The following KCTD11 variants were observed in gnomAD, a reference collection of about 807,000 sequenced individuals.
KCTD11 encodes the protein BTB/POZ domain-containing protein KCTD11.
In KCTD11, 8 loss-of-function variants were observed where a neutral mutation model predicts 10.7. The ratio of observed to expected loss-of-function variants is 0.74; its 90% CI spans 0.44 to 1.34. The LOEUF (loss-of-function observed/expected upper bound fraction) is 1.34, where lower values mean the gene tolerates loss of function less well. KCTD11 is among the 40% of genes most tolerant of loss of function. The pLI is 0.01. For missense variants in KCTD11, 346 were observed against 356.1 expected (o/e 0.97, Z 0.23); for synonymous variants, 153 against 160.8 (o/e 0.95, Z 0.37).
In KCTD11 at chr17:7,354,592, C is replaced by CA. The variant is rs1157382789; in HGVS notation, c.*952dup. ...GCATGTATATGCATCACCACGTAGC[C>CA]AGGAGGGGCCTGTTGGGGTTTGAGT... is the stretch of plus-strand genomic sequence containing the variant. On this transcript the variant is annotated 3_prime_UTR_variant, in exon 1 of 1. Coordinates refer to ENST00000333751, the MANE Select transcript of KCTD11 (RefSeq NM_001363642.1). 1 of 167,468 alleles carries CA rather than the reference C, an allele frequency of 6.0e-6. No homozygotes were observed. Among genetic ancestry groups the CA allele is most frequent in the Non-Finnish European group, 1.5e-5 (1 of 68,674 alleles). The allele number at this position is 167,468 out of a possible 1,614,324, so 10.4% of individuals were successfully genotyped here.
Position 7,352,747 on chromosome 17 carries a change from G to A in KCTD11, c.-79G>A. ...CCTGTGCCTCCAACCCAGCGAATCT[G>A]ACAGCTTCGACCCAATTCTGCACAC... On this transcript the variant is annotated 5_prime_UTR_variant, in exon 1 of 1. Transcript: ENST00000333751. This position sits in a 1 kb window ranked among gnomAD's most constrained non-coding sequence, Gnocchi z 4.5. The A allele has an allele frequency of 1.8e-6, 1 of 553,254 alleles. No homozygotes were observed. Among genetic ancestry groups the A allele is most frequent in the Non-Finnish European group, 3.2e-6 (1 of 311,986 alleles). 34.3% of individuals were successfully genotyped at this position (553,254 alleles called of 1,614,324 possible).
Position 7,353,745 on chromosome 17 carries a change from C to T in KCTD11, c.*104C>T. The T allele has an allele frequency of 2.7e-6, 3 of 1,114,504 alleles. No individual in the cohort carries two copies. Among genetic ancestry groups the T allele is most frequent in the East Asian group, 2.6e-5 (1 of 38,766 alleles). 69.0% of individuals were successfully genotyped at this position (1,114,504 alleles called of 1,614,324 possible). A position where few individuals can be genotyped will look rare whatever the true frequency, so the allele number is the denominator to read the frequency against. On this transcript the variant is annotated 3_prime_UTR_variant, in exon 1 of 1. Transcript: ENST00000333751. The surrounding 1 kb of genome is among the most constrained non-coding windows in gnomAD (Gnocchi z 4.9). ...TTCAGGAGCTATGAGAGTCGGGACTCTCCTGCACCTGACTGGAGCTCAGAT... is the reference window on the plus strand; with the variant it reads ...TTCAGGAGCTATGAGAGTCGGGACTTTCCTGCACCTGACTGGAGCTCAGAT...
Position 7,353,740 on chromosome 17 carries a change from G to C in KCTD11, c.*99G>C. 1.7e-6 allele frequency: 2 copies of C among 1,161,680 alleles called. No individual in the cohort carries two copies. The highest frequency in any genetic ancestry group is 2.4e-6 in the Non-Finnish European group (2 of 835,596). 72.0% of individuals were successfully genotyped at this position (1,161,680 alleles called of 1,614,324 possible). A position where few individuals can be genotyped will look rare whatever the true frequency, so the allele number is the denominator to read the frequency against. On this transcript the variant is annotated 3_prime_UTR_variant, in exon 1 of 1. Transcript: ENST00000333751. This position sits in a 1 kb window ranked among gnomAD's most constrained non-coding sequence, Gnocchi z 4.9. The stretch of plus-strand genomic sequence containing the variant: ...TCTGCTTCAGGAGCTATGAGAGTCG[G>C]GACTCTCCTGCACCTGACTGGAGCT...
Position 7,353,513 on chromosome 17 carries a change from G to A in KCTD11, c.688G>A (p.Val230Met). 6.3e-7 allele frequency: 1 copy of A among 1,589,398 alleles called. No individual in the cohort carries two copies. The highest frequency in any genetic ancestry group is 8.6e-7 in the Non-Finnish European group (1 of 1,165,390). The change falls in exon 1 of 1, where the codon GTG (valine) becomes ATG (methionine). Residue 230 changes from valine (V) to methionine (M), a missense_variant. Transcript: ENST00000333751. This position sits in a 1 kb window ranked among gnomAD's most constrained non-coding sequence, Gnocchi z 4.9. ...GGGGCCAGGAGAGCGGCGGGAGGTG[G>A]TGGGCACCCCAAGCTTCCTGGAGGA...
chr17:7,353,243 G>C lies in KCTD11; in HGVS notation c.418G>C (p.Val140Leu). The change falls in exon 1 of 1, where the codon GTG (valine) becomes CTG (leucine). Residue 140 changes from valine to leucine, a missense_variant. Val to Leu is a conservative substitution (Grantham distance 32, BLOSUM62 1). Coordinates refer to ENST00000333751, the MANE Select transcript of KCTD11 (RefSeq NM_001363642.1). The surrounding 1 kb of genome is among the most constrained non-coding windows in gnomAD (Gnocchi z 4.9). ...AGATGTAGATGTCAGCCCCCGCCTGGTGCACTTCTCTGCTCGCCGGGGACC... is the reference window on the plus strand; with the variant it reads ...AGATGTAGATGTCAGCCCCCGCCTGCTGCACTTCTCTGCTCGCCGGGGACC... 6.2e-7 allele frequency: 1 copy of C among 1,613,742 alleles called. No individual in the cohort carries two copies. Among genetic ancestry groups the C allele is most frequent in the Non-Finnish European group, 8.5e-7 (1 of 1,180,040 alleles).
In KCTD11 at chr17:7,353,162, C is replaced by G; in HGVS notation, c.337C>G (p.Arg113Gly). The change falls in exon 1 of 1, where the codon CGG (arginine) becomes GGG (glycine). Residue 113 changes from arginine to glycine, a missense_variant. Arg to Gly is a moderately radical substitution (Grantham distance 125). Transcript: ENST00000333751. This position sits in a 1 kb window ranked among gnomAD's most constrained non-coding sequence, Gnocchi z 4.9. The stretch of plus-strand genomic sequence containing the variant: ...GATCCGGCCCCTCCTGGACGCGCTG[C>G]GGGAACTGGAGGCCTCTCAGGGGAC... 1 of 1,613,248 alleles carries G rather than the reference C, an allele frequency of 6.2e-7. No homozygotes were observed. The highest frequency in any genetic ancestry group is 1.1e-5 in the South Asian group (1 of 91,076).
In KCTD11 at chr17:7,352,885, T is replaced by C. The variant is rs2143019392; in HGVS notation, c.60T>C (p.Asn20=). The change falls in exon 1 of 1, where the codon AAT becomes AAC. Residue 20 remains asparagine (N), a synonymous_variant. Transcript: ENST00000333751. This position sits in a 1 kb window ranked among gnomAD's most constrained non-coding sequence, Gnocchi z 4.5. ...CCTTTGGGGGCCCCGTGACCCTGAA[T>C]GTGGGGGGCACACTATATTCCACCA... The C allele has an allele frequency of 6.9e-7, 1 of 1,451,488 alleles. No individual in the cohort carries two copies. Among genetic ancestry groups the C allele is most frequent in the African/African-American group, 1.4e-5 (1 of 70,846 alleles). 89.9% of individuals were successfully genotyped at this position (1,451,488 alleles called of 1,614,324 possible). A position where few individuals can be genotyped will look rare whatever the true frequency, so the allele number is the denominator to read the frequency against.
In KCTD11 at chr17:7,352,983, C is replaced by T. The variant is rs1315471375; in HGVS notation, c.158C>T (p.Pro53Leu). The T allele has an allele frequency of 6.2e-7, 1 of 1,606,408 alleles. No homozygotes were observed. The highest frequency in any genetic ancestry group is 8.5e-7 in the Non-Finnish European group (1 of 1,174,628). The stretch of plus-strand genomic sequence containing the variant: ...TTTAGGGCCGGCACCCCCATGCCCC[C>T]CAACCTCAATTCCCAAGGAGGCGGC... The change falls in exon 1 of 1, where the codon CCC becomes CTC. Residue 53 changes from proline (P) to leucine (L), a missense_variant. By Grantham distance (98) the Pro-to-Leu change is moderately conservative. Transcript: ENST00000333751. The surrounding 1 kb of genome is among the most constrained non-coding windows in gnomAD (Gnocchi z 4.5).
In KCTD11 at chr17:7,354,006, T is replaced by A; in HGVS notation, c.*365T>A. Reference sequence around the variant, plus strand: ...AAAACCCTGGAAGGATATTGAGGTCTGGGGAAAAGGGAGGACTTTGCATTT... The same window carrying A: ...AAAACCCTGGAAGGATATTGAGGTCAGGGGAAAAGGGAGGACTTTGCATTT... On this transcript the variant is annotated 3_prime_UTR_variant, in exon 1 of 1. Transcript: ENST00000333751. 4.6e-6 allele frequency: 1 copy of A among 217,668 alleles called. No homozygotes were observed. Among genetic ancestry groups the A allele is most frequent in the Admixed American group, 5.4e-5 (1 of 18,460 alleles). 13.5% of individuals were successfully genotyped at this position (217,668 alleles called of 1,614,324 possible).
rs776465557 is a variant in KCTD11 at position 7,353,596 on chromosome 17, C to G, written c.771C>G (p.Pro257=). 1 of 1,528,980 alleles carries G rather than the reference C, an allele frequency of 6.5e-7. No homozygotes were observed. Among genetic ancestry groups the G allele is most frequent in the Non-Finnish European group, 8.8e-7 (1 of 1,138,786 alleles). 94.7% of individuals were successfully genotyped at this position (1,528,980 alleles called of 1,614,324 possible). The change falls in exon 1 of 1, where the codon CCC becomes CCG. Residue 257 remains proline, a synonymous_variant. Transcript: ENST00000333751. This position sits in a 1 kb window ranked among gnomAD's most constrained non-coding sequence, Gnocchi z 4.9. ...GACTAGACTCTGTCTTCCCCGACCC[C>G]GAAGACCTGCTCAACTCCAGGTCTC... is the stretch of plus-strand genomic sequence containing the variant.
In KCTD11 at chr17:7,353,696, C is replaced by CCATT; in HGVS notation, c.*56_*57insATTC. The CCATT allele has an allele frequency of 2.1e-6, 3 of 1,457,540 alleles. No individual in the cohort carries two copies. Among genetic ancestry groups the CCATT allele is most frequent in the African/African-American group, 1.4e-5 (1 of 70,482 alleles). 90.3% of individuals were successfully genotyped at this position (1,457,540 alleles called of 1,614,324 possible). A position where few individuals can be genotyped will look rare whatever the true frequency, so the allele number is the denominator to read the frequency against. On this transcript the variant is annotated 3_prime_UTR_variant, in exon 1 of 1. Coordinates refer to ENST00000333751, the MANE Select transcript of KCTD11 (RefSeq NM_001363642.1). This position sits in a 1 kb window ranked among gnomAD's most constrained non-coding sequence, Gnocchi z 4.9. ...GGAGAGAGAATGGGGTACTAGCACCCCTGAAGCCTCTTTCCAGCTCTGCTT... is the reference window on the plus strand; with the variant it reads ...GGAGAGAGAATGGGGTACTAGCACCCCATTCTGAAGCCTCTTTCCAGCTCTGCTT...
chr17:7,353,086 C>T lies in KCTD11; in HGVS notation c.261C>T (p.Pro87=), dbSNP rs904384176. The T allele has an allele frequency of 1.9e-6, 3 of 1,613,558 alleles. No homozygotes were observed. Among genetic ancestry groups the T allele is most frequent in the Non-Finnish European group, 2.5e-6 (3 of 1,179,888 alleles). The change falls in exon 1 of 1, where the codon CCC becomes CCT. Residue 87 remains proline, a synonymous_variant. Coordinates refer to ENST00000333751, the MANE Select transcript of KCTD11 (RefSeq NM_001363642.1). This position sits in a 1 kb window ranked among gnomAD's most constrained non-coding sequence, Gnocchi z 4.9. ...TGAGGCTGGGCCGCCTGGACCTGCC[C>T]CGTGGGTACGGAGAGACAGCGCTGC...
Position 7,354,605 on chromosome 17 carries a change from T to C in KCTD11, c.*964T>C. On this transcript the variant is annotated 3_prime_UTR_variant, in exon 1 of 1. Transcript: ENST00000333751. ...TCACCACGTAGCCAGGAGGGGCCTGTTGGGGTTTGAGTCACTGGGATCTTC... is the reference window on the plus strand; with the variant it reads ...TCACCACGTAGCCAGGAGGGGCCTGCTGGGGTTTGAGTCACTGGGATCTTC... 1 of 167,578 alleles carries C rather than the reference T, an allele frequency of 6.0e-6. No individual in the cohort carries two copies. Among genetic ancestry groups the C allele is most frequent in the Non-Finnish European group, 1.5e-5 (1 of 68,670 alleles). The allele number at this position is 167,578 out of a possible 1,614,324, so 10.4% of individuals were successfully genotyped here. A position where few individuals can be genotyped will look rare whatever the true frequency, so the allele number is the denominator to read the frequency against.
Position 7,353,339 on chromosome 17 carries a change from T to C in KCTD11, c.514T>C (p.Cys172Arg). ...CAACCTTTTCTGCACCGACTCTGAG[T>C]GTCTAGGTGCTTTGCGGGCCCGATT... Residue 172 changes from cysteine to arginine, a missense_variant, in exon 1 of 1, where the codon TGT becomes CGT. Physicochemically the swap from Cys to Arg is radical, Grantham distance 180. Coordinates refer to ENST00000333751, the MANE Select transcript of KCTD11 (RefSeq NM_001363642.1). The surrounding 1 kb of genome is among the most constrained non-coding windows in gnomAD (Gnocchi z 4.9). 6.2e-7 allele frequency: 1 copy of C among 1,614,014 alleles called. No homozygotes were observed. The highest frequency in any genetic ancestry group is 8.5e-7 in the Non-Finnish European group (1 of 1,179,992).
chr17:7,353,806 A>C lies in KCTD11; in HGVS notation c.*165A>C. Reference sequence around the variant, plus strand: ...ATTCCCAAACCTGAGCCCACCAAGGACTCACAAGTGGTCCAGAAGGTCTCA... The same window carrying C: ...ATTCCCAAACCTGAGCCCACCAAGGCCTCACAAGTGGTCCAGAAGGTCTCA... On this transcript the variant is annotated 3_prime_UTR_variant, in exon 1 of 1. Transcript: ENST00000333751. The surrounding 1 kb of genome is among the most constrained non-coding windows in gnomAD (Gnocchi z 4.9). 1 of 671,246 alleles carries C rather than the reference A, an allele frequency of 1.5e-6. No homozygotes were observed. Among genetic ancestry groups the C allele is most frequent in the Non-Finnish European group, 2.4e-6 (1 of 415,026 alleles). The allele number at this position is 671,246 out of a possible 1,614,324, so 41.6% of individuals were successfully genotyped here.
At position 7,353,830 on chromosome 17, in the gene KCTD11, C is replaced by CA; in HGVS notation, c.*191dup. ...GACTCACAAGTGGTCCAGAAGGTCTCAACCTGTGCTGACCCTGGGAGGGGT... is the reference window on the plus strand; with the variant it reads ...GACTCACAAGTGGTCCAGAAGGTCTCAAACCTGTGCTGACCCTGGGAGGGGT... On this transcript the variant is annotated 3_prime_UTR_variant, in exon 1 of 1. Coordinates refer to ENST00000333751, the MANE Select transcript of KCTD11 (RefSeq NM_001363642.1). The surrounding 1 kb of genome is among the most constrained non-coding windows in gnomAD (Gnocchi z 4.9). The CA allele has an allele frequency of 1.8e-6, 1 of 566,370 alleles. No individual in the cohort carries two copies. Among genetic ancestry groups the CA allele is most frequent in the Non-Finnish European group, 3.0e-6 (1 of 329,642 alleles). 35.1% of individuals were successfully genotyped at this position (566,370 alleles called of 1,614,324 possible).
Position 7,354,077 on chromosome 17 carries a change from GTGGCC to G in KCTD11, c.*449_*453del, listed in dbSNP as rs374741774. 1.3e-3 allele frequency: 234 copies of G among 176,642 alleles called. 2 individuals are homozygous for G. Among genetic ancestry groups the G allele is most frequent in the African/African-American group, 5.0e-3 (209 of 41,800 alleles). The allele number at this position is 176,642 out of a possible 1,614,324, so 10.9% of individuals were successfully genotyped here. On this transcript the variant is annotated 3_prime_UTR_variant, in exon 1 of 1. Coordinates refer to ENST00000333751, the MANE Select transcript of KCTD11 (RefSeq NM_001363642.1). Reference sequence around the variant, plus strand: ...CCATGGCTTCTACTCCTGAAGCTGGGTGGCCTGGCCTGGCCTGACCAATGAGAGGC... The same window carrying G: ...CCATGGCTTCTACTCCTGAAGCTGGGTGGCCTGGCCTGACCAATGAGAGGC...
In KCTD11 at chr17:7,353,550, T is replaced by C. The variant is rs1233701737; in HGVS notation, c.725T>C (p.Val242Ala). 1.3e-6 allele frequency: 2 copies of C among 1,562,980 alleles called. No individual in the cohort carries two copies. The highest frequency in any genetic ancestry group is 2.7e-5 in the African/African-American group (2 of 73,622). Residue 242 changes from valine (V) to alanine (A), a missense_variant, in exon 1 of 1, where the codon GTG becomes GCG. Val to Ala is a moderately conservative substitution (Grantham distance 64). Transcript: ENST00000333751. This position sits in a 1 kb window ranked among gnomAD's most constrained non-coding sequence, Gnocchi z 4.9. The stretch of plus-strand genomic sequence containing the variant: ...AGCTTCCTGGAGGAGGTGCTGCGGG[T>C]GGCTCTCGAGCACGGCTTCCGACTA...
rs898621509 is a variant in KCTD11, at chr17:7,352,470, C to T, written c.-356C>T. ...GTCTCGGAGGCCATCCCTTCAGAGT[C>T]GGCCCTGTGCTCGCCACCGTCACCT... On this transcript the variant is annotated 5_prime_UTR_variant, in exon 1 of 1. Transcript: ENST00000333751. This position sits in a 1 kb window ranked among gnomAD's most constrained non-coding sequence, Gnocchi z 4.5. 4 of 199,676 alleles carry T rather than the reference C, an allele frequency of 2.0e-5. No individual in the cohort carries two copies. The highest frequency in any genetic ancestry group is 4.0e-5 in the Non-Finnish European group (4 of 99,512). The allele number at this position is 199,676 out of a possible 1,614,324, so 12.4% of individuals were successfully genotyped here. A position where few individuals can be genotyped will look rare whatever the true frequency, so the allele number is the denominator to read the frequency against.
Sources: gnomAD v4.1 joint callset for allele counts on GRCh38, gnomAD v4.1.1 for gene constraint, Gnocchi (gnomAD v3.1) non-coding constraint, MANE v1.5 for transcripts, NCBI Gene and HGNC (gene_info 2026-07-23, HGNC 2026-07-21) for gene names.